The following MRPS15 variants were observed in gnomAD, a reference collection of about 807,000 sequenced individuals.
The protein encoded by MRPS15 is mitochondrial ribosomal protein S15.
In MRPS15, 25 loss-of-function variants were observed where a neutral mutation model predicts 30.7. That is an observed-to-expected ratio of 0.81 (90% CI 0.59 to 1.14). The LOEUF is 1.14. Ranked by LOEUF, MRPS15 falls within the 50% of genes most tolerant of loss-of-function variation. The pLI is 0.00. For synonymous variants in MRPS15, 124 were observed against 120.1 expected (o/e 1.03, Z -0.21); for missense variants, 313 against 321.7 (o/e 0.97, Z 0.21).
chr1:36,459,871 A>C (rs561736068), intron 5 of MRPS15, among the ~76,000 whole-genome samples: 1 of 152,318 alleles, frequency 6.6e-6, no homozygotes, highest in East Asian at 1.9e-4. Context: ...CTGCACCCAG[A>C]GAGAGGGGGA....
intron 6 of MRPS15, among the ~76,000 whole-genome samples, chr1:36,457,289 A>AT (rs1419078825): frequency 1.2e-3 from 161 of 138,636 alleles, no homozygotes; most frequent in African/African-American, 2.2e-3. Context: ...AAAAAAAAAA[A>AT]AATATATATA....
intron 6 of MRPS15, 144 bp from the exon 7 acceptor site, chr1:36,456,522 T>A (rs1649998616): frequency 1.3e-6 from 1 of 769,440 alleles, no homozygotes; most frequent in African/African-American, 1.8e-5. Flanking sequence ...GGTATTATCA[T>A]TGTTATTCCC....
chr1:36,459,001 CAGAA>C (rs1338960040), intron 5 of MRPS15: 2 of 152,234 alleles, frequency 1.3e-5, no homozygotes, highest in African/African-American at 2.4e-5. Context: ...TGGAACAACA[CAGAA>C]AGATAGGCCT....
Position 36,461,929 on chromosome 1 carries a change from A to C in MRPS15, c.251+159T>G, listed in dbSNP as rs78245381. Among the ~76,000 whole-genome samples the C allele has an allele frequency of 0.29, 43,291 of 151,798 alleles. 6,583 individuals carry two copies. The highest frequency in any genetic ancestry group is 0.38 in the Admixed American group (5,838 of 15,260). On this transcript the variant is annotated intron_variant, in intron 3 of 7. Transcript: ENST00000373116. ...TCCATGAGTGCCATCTGCCTTGCTG[A>C]CCACCCACCCTCACCACACCTGGAC...
Position 36,462,168 on chromosome 1 carries a change from C to A in MRPS15, c.176-5G>T. The A allele has an allele frequency of 6.2e-7, 1 of 1,609,072 alleles. No individual in the cohort carries two copies. Among genetic ancestry groups the A allele is most frequent in the South Asian group, 1.1e-5 (1 of 90,630 alleles). On this transcript the variant is annotated splice_polypyrimidine_tract_variant and splice_region_variant and intron_variant, in intron 2 of 7. Coordinates refer to ENST00000373116, the MANE Select transcript of MRPS15 (RefSeq NM_031280.4). ...CATCATCCAGCCTAGACTGGGCTGT[C>A]AAGTAAATATGGGGATAGAAAACAC...
At position 36,464,327 on chromosome 1, in the gene MRPS15, G is replaced by A; in HGVS notation, c.-52C>T. 1.3e-6 allele frequency: 2 copies of A among 1,586,558 alleles called. No individual in the cohort carries two copies. Among genetic ancestry groups the A allele is most frequent in the Non-Finnish European group, 1.7e-6 (2 of 1,165,652 alleles). ...GCGCCGCGGCCGCCGTTCGCTTTGC[G>A]GCACGGACCGGGTTACATGGGCGCC... is the stretch of plus-strand genomic sequence containing the variant. On this transcript the variant is annotated 5_prime_UTR_variant, in exon 1 of 8. Coordinates refer to ENST00000373116, the MANE Select transcript of MRPS15 (RefSeq NM_031280.4).
chr1:36,460,331 CG>C (rs1212057632), intron 5 of MRPS15, among the ~76,000 whole-genome samples: 6 of 152,128 alleles, frequency 3.9e-5, no homozygotes, highest in African/African-American at 1.4e-4. Context: ...TATCACACAT[CG>C]TGAGCTTTAG....
rs1473313758 is a variant in MRPS15 at position 36,456,274 on chromosome 1, C to G, written c.549G>C (p.Trp183Cys). 1.2e-6 allele frequency: 2 copies of G among 1,614,166 alleles called. No homozygotes were observed. Among genetic ancestry groups the G allele is most frequent in the South Asian group, 1.1e-5 (1 of 91,080 alleles). ...GGAAGGTGTACTCAATTCCCAGCCC[C>G]CAGCATATCTTCTCAAAGACATCAT... ...TNYDVFEKIC[W>C]GLGIEYTFPP... Residue 183 changes from tryptophan (W) to cysteine (C), a missense_variant, in exon 7 of 8, where the codon TGG becomes TGC. Physicochemically the swap from Trp to Cys is radical, Grantham distance 215. Transcript: ENST00000373116.
chr1:36,464,080 C>A, intron 1 of MRPS15, 66 bp downstream of exon 1: 1 of 1,590,162 alleles, frequency 6.3e-7, no homozygotes. Flanking sequence ...TCCTGTGCTT[C>A]CTTATTCCCT....
rs1021383055 is a variant in MRPS15, at chr1:36,460,884, G to A, written c.301-108C>T. 4 of 889,812 alleles carry A rather than the reference G, an allele frequency of 4.5e-6. No homozygotes were observed. The Admixed American group carries it at 8.2e-5, about 18-fold the overall frequency. 55.1% of individuals were successfully genotyped at this position (889,812 alleles called of 1,614,324 possible). On this transcript the variant is annotated intron_variant, in intron 4 of 7. Transcript: ENST00000373116. ...ACAGTTATAGCAACTAGGGCCATAA[G>A]GCTCAGGGCCTGACTTCACTCTGCT...
chr1:36,456,405 T>C, intron 6 of MRPS15, 27 bp from the exon 7 acceptor site: 1 of 1,566,300 alleles, frequency 6.4e-7, no homozygotes, highest in Non-Finnish European at 8.7e-7. Flanking sequence ...TTACTTTTAG[T>C]ATTATATAAG....
Position 36,464,198 on chromosome 1 carries a change from C to T in MRPS15, c.78G>A (p.Pro26=). Residue 26 remains proline, a synonymous_variant, in exon 1 of 8, where the codon CCG becomes CCA. Coordinates refer to ENST00000373116, the MANE Select transcript of MRPS15 (RefSeq NM_031280.4). ...AAGGAAACTTGGCGCTCCCACCGCCCGGCAGCCCGGGTACTAGGACCTGGG... is the reference window on the plus strand; with the variant it reads ...AAGGAAACTTGGCGCTCCCACCGCCTGGCAGCCCGGGTACTAGGACCTGGG... ...AVTQVLVPGL[P]GGGSAKFPFN... The T allele has an allele frequency of 6.2e-7, 1 of 1,614,060 alleles. No homozygotes were observed. Among genetic ancestry groups the T allele is most frequent in the Non-Finnish European group, 8.5e-7 (1 of 1,180,012 alleles).
In MRPS15 at chr1:36,458,210, T is replaced by C; in HGVS notation, c.386-229A>G. ...GACATCCCTTAATATTATAAAGATA[T>C]CATCCAAAAATCATAGCAAATAGCA... On this transcript the variant is annotated intron_variant, in intron 5 of 7. Transcript: ENST00000373116. This position sits in a 1 kb window ranked among gnomAD's most constrained non-coding sequence, Gnocchi z 4.5. 1 of 476,086 alleles carries C rather than the reference T, an allele frequency of 2.1e-6. No homozygotes were observed. The highest frequency in any genetic ancestry group is 3.8e-6 in the Non-Finnish European group (1 of 266,034). 29.5% of individuals were successfully genotyped at this position (476,086 alleles called of 1,614,324 possible). A position where few individuals can be genotyped will look rare whatever the true frequency, so the allele number is the denominator to read the frequency against.
Position 36,456,381 on chromosome 1 carries a change from G to T in MRPS15, c.445-3C>A. Reference sequence around the variant, plus strand: ...AGATAGCGTTTGTGGGCTTTGTCCTGCAAGAGATTCTCATTACTTTTAGTA... The same window carrying T: ...AGATAGCGTTTGTGGGCTTTGTCCTTCAAGAGATTCTCATTACTTTTAGTA... On this transcript the variant is annotated splice_region_variant and splice_polypyrimidine_tract_variant and intron_variant, in intron 6 of 7. Coordinates refer to ENST00000373116, the MANE Select transcript of MRPS15 (RefSeq NM_031280.4). 6.3e-7 allele frequency: 1 copy of T among 1,590,918 alleles called. No homozygotes were observed. The highest frequency in any genetic ancestry group is 8.6e-7 in the Non-Finnish European group (1 of 1,165,688).
At position 36,460,719 on chromosome 1, in the gene MRPS15, C is replaced by T. The variant is rs1274184827; in HGVS notation, c.358G>A (p.Glu120Lys). ...CGAGCCTCCAGGGATCTGGTGTCCT[C>T]TGGGTTTGCAACAATCTTCTTCATA... ...QFMKKIVANP[E>K]DTRSLEARII... The change falls in exon 5 of 8, where the codon GAG becomes AAG. Residue 120 changes from glutamate to lysine, a missense_variant. Glu to Lys is a moderately conservative substitution (Grantham distance 56). Transcript: ENST00000373116. 2 of 1,613,978 alleles carry T rather than the reference C, an allele frequency of 1.2e-6. No homozygotes were observed. The highest frequency in any genetic ancestry group is 1.7e-6 in the Non-Finnish European group (2 of 1,179,968).
At chr1:36,461,796 C>T (rs551495759) in intron 3 of MRPS15, among the ~76,000 whole-genome samples, 7 of 152,220 alleles carry the variant, frequency 4.6e-5, no homozygotes, top group African/African-American at 1.7e-4. Flanking sequence ...TTGTGAGGAA[C>T]AAGAGATGAG....
intron 2 of MRPS15, among the ~76,000 whole-genome samples, chr1:36,462,984 A>G (rs906645062): frequency 6.6e-6 from 1 of 150,476 alleles, no homozygotes; most frequent in Non-Finnish European, 1.5e-5. Context: ...TGTTTTTTTG[A>G]GATGGAGTCT....
chr1:36,456,041 G>T, intron 7 of MRPS15, 116 bp from the exon 8 acceptor site: 1 of 1,495,282 alleles, frequency 6.7e-7, no homozygotes, highest in Non-Finnish European at 9.0e-7. Flanking sequence ...TTCTCCATGG[G>T]GTTGGTGGCC....
chr1:36,457,561 C>T (rs1021647300), intron 6 of MRPS15, among the ~76,000 whole-genome samples: 10 of 152,168 alleles, frequency 6.6e-5, no homozygotes, highest in African/African-American at 2.4e-4. Context: ...TGTATGATCT[C>T]CATCTTATTG....
Sources: allele counts gnomAD v4.1 joint callset (sites outside exome capture counted in the v4.1 genomes callset), GRCh38; gene constraint gnomAD v4.1.1; non-coding constraint Gnocchi (gnomAD v3.1); transcripts MANE v1.5; gene names NCBI Gene and HGNC (gene_info 2026-07-23, HGNC 2026-07-21).